Variants in HEPHL1 observed in about 807,000 individuals in gnomAD.
HEPHL1 encodes ferroxidase HEPHL1.
Under a neutral mutation model 122.0 loss-of-function variants are expected in HEPHL1, and 123 were observed. The observed-to-expected ratio is 1.01, with a 90% CI of 0.87 to 1.17. The LOEUF (loss-of-function observed/expected upper bound fraction) is 1.17. HEPHL1 is among the 50% of genes most tolerant of loss of function. The pLI, the probability that HEPHL1 is intolerant of heterozygous loss-of-function variation, is 0.00. For missense variants in HEPHL1, 1,452 were observed against 1,430.5 expected (o/e 1.01, Z -0.24); for synonymous variants, 527 against 508.9 (o/e 1.04, Z -0.48).
At chr11:94,038,301 A>G (rs1034331399) in intron 1 of HEPHL1, among the ~76,000 whole-genome samples, 2 of 146,638 alleles carry the variant, frequency 1.4e-5, no homozygotes, top group African/African-American at 5.1e-5. Flanking sequence ...ACTCTGCAGG[A>G]TATTATCCAG....
At chr11:94,029,999 C>T (rs1426621185) in intron 1 of HEPHL1, among the ~76,000 whole-genome samples, 2 of 152,054 alleles carry the variant, frequency 1.3e-5, no homozygotes, top group Non-Finnish European at 2.9e-5. Context: ...ATGTGTGCTC[C>T]ACATGCATCT....
chr11:94,022,143 A>T (rs531516180), intron 1 of HEPHL1, among the ~76,000 whole-genome samples: 1 of 152,266 alleles, frequency 6.6e-6, no homozygotes, highest in East Asian at 1.9e-4. Flanking sequence ...AACCTATAGC[A>T]TAGCTAGGTG....
intron 1 of HEPHL1, among the ~76,000 whole-genome samples, chr11:94,031,651 T>C (rs1262527095): frequency 2.0e-5 from 3 of 152,206 alleles, no homozygotes; most frequent in Non-Finnish European, 4.4e-5. Flanking sequence ...CAGAGAACAT[T>C]GCTGCCTCTG....
Position 94,111,949 on chromosome 11 carries a change from C to T in HEPHL1, c.*55C>T, listed in dbSNP as rs770647766. Reference sequence around the variant, plus strand: ...TGATGTCCCACAGCTGGCCAGATGGCAGCCAACAGGGAAACTGGACCAAGG... The same window carrying T: ...TGATGTCCCACAGCTGGCCAGATGGTAGCCAACAGGGAAACTGGACCAAGG... On this transcript the variant is annotated 3_prime_UTR_variant, in exon 20 of 20. Coordinates refer to ENST00000315765, the MANE Select transcript of HEPHL1 (RefSeq NM_001098672.2). The T allele has an allele frequency of 2.3e-5, 31 of 1,322,848 alleles. No homozygotes were observed. Among genetic ancestry groups the T allele is most frequent in the Middle Eastern group, 2.0e-4 (1 of 4,882 alleles). The allele number at this position is 1,322,848 out of a possible 1,614,324, so 81.9% of individuals were successfully genotyped here.
At chr11:94,065,457 T>C (rs1307031089) in intron 4 of HEPHL1, among the ~76,000 whole-genome samples, 1 of 152,182 alleles carries the variant, frequency 6.6e-6, no homozygotes, top group Non-Finnish European at 1.5e-5. Flanking sequence ...TAAATGTAAA[T>C]TTGGCTGTGT....
intron 13 of HEPHL1, among the ~76,000 whole-genome samples, chr11:94,096,028 T>C (rs896002444): frequency 1.3e-5 from 2 of 152,204 alleles, no homozygotes. Context: ...TCCTGCCTAA[T>C]TGACCTGGCC....
intron 2 of HEPHL1, among the ~76,000 whole-genome samples, chr11:94,062,924 T>C (rs992954571): frequency 1.3e-5 from 2 of 152,232 alleles, no homozygotes; most frequent in Non-Finnish European, 1.5e-5. Flanking sequence ...GGGTATGCCA[T>C]ATATTTTGAC....
At chr11:94,029,585 C>A (rs890723428) in intron 1 of HEPHL1, among the ~76,000 whole-genome samples, 5 of 152,106 alleles carry the variant, frequency 3.3e-5, no homozygotes, top group Admixed American at 1.3e-4. Flanking sequence ...TGAAGTGGGG[C>A]CTGAGAATAA....
At chr11:94,096,104 C>T (rs559489482) in intron 13 of HEPHL1, among the ~76,000 whole-genome samples, 25 of 152,306 alleles carry the variant, frequency 1.6e-4, no homozygotes, top group Non-Finnish European at 2.9e-5. Context: ...TGCCAGTTTT[C>T]AAAGGGAATG....
At chr11:94,073,505 TC>T (rs1272703715) in intron 8 of HEPHL1, 66 bp downstream of exon 8, 7 of 1,478,362 alleles carry the variant, frequency 4.7e-6, no homozygotes, top group East Asian at 2.5e-5. Context: ...AAATAAACAG[TC>T]CTGGTTCAAA....
At chr11:94,097,278 A>C (rs1946324672) in intron 13 of HEPHL1, among the ~76,000 whole-genome samples, 1 of 152,216 alleles carries the variant, frequency 6.6e-6, no homozygotes, top group African/African-American at 2.4e-5. Flanking sequence ...TTATGTACCC[A>C]GTAGTCATTC....
intron 11 of HEPHL1, among the ~76,000 whole-genome samples, chr11:94,086,471 T>C (rs902093755): frequency 3.3e-5 from 5 of 152,196 alleles, no homozygotes; most frequent in African/African-American, 7.2e-5. Context: ...TCACAGTCCA[T>C]AAAAATTCAG....
intron 4 of HEPHL1, among the ~76,000 whole-genome samples, 197 bp from the exon 5 acceptor site, chr11:94,067,299 G>GA (rs1946042166): frequency 6.6e-6 from 1 of 152,060 alleles, no homozygotes; most frequent in Non-Finnish European, 1.5e-5. Flanking sequence ...GTTTTCTCTG[G>GA]AAAAAGGCCA....
rs370634130 is a variant in HEPHL1, at chr11:94,052,399, T to C, written c.415+6482T>C. ...GTAGCTACTGTAAATGGGATTACTTTCTTGATTTCTTTTTCAGATTATTCA... is the reference window on the plus strand; with the variant it reads ...GTAGCTACTGTAAATGGGATTACTTCCTTGATTTCTTTTTCAGATTATTCA... On this transcript the variant is annotated intron_variant, in intron 2 of 19. Coordinates refer to ENST00000315765, the MANE Select transcript of HEPHL1 (RefSeq NM_001098672.2). Among the ~76,000 whole-genome samples the C allele has an allele frequency of 9.2e-5, 14 of 151,850 alleles. No homozygotes were observed. The East Asian group carries it at 1.3e-3, about 15-fold the overall frequency.
At chr11:94,022,661 G>C (rs1005625062) in intron 1 of HEPHL1, among the ~76,000 whole-genome samples, 1 of 152,224 alleles carries the variant, frequency 6.6e-6, no homozygotes, top group Admixed American at 6.5e-5. Flanking sequence ...CTTAAGCTTT[G>C]TACCTGGAAA....
chr11:94,088,979 CGCCGCCGCTAGG>C lies in HEPHL1; in HGVS notation c.2294+14_2294+25del, dbSNP rs1210890143. 6.2e-7 allele frequency: 1 copy of C among 1,612,664 alleles called. No individual in the cohort carries two copies. Among genetic ancestry groups the C allele is most frequent in the Non-Finnish European group, 8.5e-7 (1 of 1,178,836 alleles). On this transcript the variant is annotated intron_variant, in intron 12 of 19. Coordinates refer to ENST00000315765, the MANE Select transcript of HEPHL1 (RefSeq NM_001098672.2). Reference sequence around the variant, plus strand: ...CGCAAGAGGGGAAAGGTACCACAGGCGCCGCCGCTAGGGCTCCTCGGTGGGATCGCGCATGCT... The same window carrying C: ...CGCAAGAGGGGAAAGGTACCACAGGCGCTCCTCGGTGGGATCGCGCATGCT...
intron 2 of HEPHL1, among the ~76,000 whole-genome samples, chr11:94,060,124 A>G (rs1422247793): frequency 1.8e-4 from 1 of 5,474 alleles, no homozygotes; most frequent in Non-Finnish European, 4.4e-3. Context: ...ATATATATAT[A>G]TATATATATA....
chr11:94,109,951 C>T (rs2134456158), intron 17 of HEPHL1, among the ~76,000 whole-genome samples: 1 of 152,274 alleles, frequency 6.6e-6, no homozygotes, highest in Middle Eastern at 3.4e-3. Context: ...CCAATAAAGC[C>T]ATCTGGAGTT....
intron 14 of HEPHL1, among the ~76,000 whole-genome samples, chr11:94,102,115 G>C (rs951407115): frequency 1.3e-5 from 2 of 152,144 alleles, no homozygotes; most frequent in African/African-American, 4.8e-5. Flanking sequence ...CACTGTCTGT[G>C]GTTTCAAGCA....
Sources: gnomAD v4.1 joint callset for allele counts (sites outside exome capture counted in the v4.1 genomes callset) on GRCh38, gnomAD v4.1.1 for gene constraint, MANE v1.5 for transcripts, NCBI Gene and HGNC (gene_info 2026-07-23, HGNC 2026-07-21) for gene names.